The following TXNRD1 variants were observed in gnomAD, a reference collection of about 807,000 sequenced individuals.
TXNRD1 encodes thioredoxin reductase 1.
Under a neutral mutation model 80.3 loss-of-function variants are expected in TXNRD1, and 57 were observed. The observed-to-expected ratio is 0.71, with a 90% CI of 0.57 to 0.89. The LOEUF (loss-of-function observed/expected upper bound fraction) is 0.89. Ranked by LOEUF, TXNRD1 falls within the 40% of genes least tolerant of loss-of-function variation. The probability of loss-of-function intolerance (pLI) is 0.00; values close to 1 mark genes in which losing one functional copy is unlikely to be tolerated. For synonymous variants in TXNRD1, 291 were observed against 285.2 expected (o/e 1.02, Z -0.20); for missense variants, 730 against 803.0 (o/e 0.91, Z 1.10).
intron 3 of TXNRD1, among the ~76,000 whole-genome samples, chr12:104,277,647 G>A (rs2033783405): frequency 6.6e-6 from 1 of 152,040 alleles, no homozygotes; most frequent in Admixed American, 6.6e-5. Flanking sequence ...AGTTTTCAGG[G>A]TGGATGATTC....
At chr12:104,253,637 A>G (rs2033178227) in intron 2 of TXNRD1, among the ~76,000 whole-genome samples, 1 of 151,756 alleles carries the variant, frequency 6.6e-6, no homozygotes, top group African/African-American at 2.4e-5. Context: ...ACCGCCTGCC[A>G]CTTCCTTTTT....
At position 104,315,811 on chromosome 12, in the gene TXNRD1, A is replaced by C; in HGVS notation, c.645A>C (p.Ile215=). ...GAACATGTGTGAATGTGGGTTGCAT[A>C]CCTAAAAAACTGATGCATCAAGCAG... is the stretch of plus-strand genomic sequence containing the variant. ...LGGTCVNVGC[I]PKKLMHQAAL... Residue 215 remains isoleucine (I), a synonymous_variant, in exon 7 of 17, where the codon ATA becomes ATC. Transcript: ENST00000525566. 1 of 1,612,308 alleles carries C rather than the reference A, an allele frequency of 6.2e-7. No individual in the cohort carries two copies. Among genetic ancestry groups the C allele is most frequent in the Non-Finnish European group, 8.5e-7 (1 of 1,178,792 alleles).
At position 104,305,188 on chromosome 12, in the gene TXNRD1, C is replaced by G. The variant is rs74467164; in HGVS notation, c.415-6102C>G. The G allele has an allele frequency of 8.5e-3, 2,759 of 326,282 alleles. 18 individuals are homozygous for G. The highest frequency in any genetic ancestry group is 0.012 in the Non-Finnish European group (2,155 of 175,148). 20.2% of individuals were successfully genotyped at this position (326,282 alleles called of 1,614,324 possible). On this transcript the variant is annotated intron_variant, in intron 4 of 16. Transcript: ENST00000525566. ...TGCCCTTTAAGACTATTAATAAAAA[C>G]AAGTTTTGGATACCAAATTAAGGGA... is the stretch of plus-strand genomic sequence containing the variant.
intron 4 of TXNRD1, chr12:104,310,232 G>A (rs1316683470): frequency 4.0e-6 from 4 of 1,012,088 alleles, no homozygotes; most frequent in East Asian, 2.7e-5. Flanking sequence ...TCACTGCAAC[G>A]TCTGCCTCCC....
Position 104,265,262 on chromosome 12 carries a change from A to AAC in TXNRD1, c.304+7184_304+7185insCA. ...TGAGACTCCGTCTTAAAAAAAAAAA[A>AAC]AAAAAAACTTCCTTTTGCGGGTGGC... On this transcript the variant is annotated intron_variant, in intron 3 of 16. Transcript: ENST00000525566. 3.3e-6 allele frequency: 5 copies of AAC among 1,493,100 alleles called. 1 individual carries two copies. Among genetic ancestry groups the AAC allele is most frequent in the Non-Finnish European group, 4.5e-6 (5 of 1,111,208 alleles). The allele number at this position is 1,493,100 out of a possible 1,614,324, so 92.5% of individuals were successfully genotyped here.
intron 4 of TXNRD1, among the ~76,000 whole-genome samples, chr12:104,290,645 G>A (rs2034149348): frequency 6.9e-6 from 1 of 144,430 alleles, no homozygotes; most frequent in Non-Finnish European, 1.5e-5. Flanking sequence ...GTTGCAATGA[G>A]CTGAGATTGC....
intron 1 of TXNRD1, chr12:104,224,906 A>C (rs990460421): frequency 8.8e-6 from 4 of 456,486 alleles, no homozygotes; most frequent in African/African-American, 2.0e-5. Context: ...AGGCAGGTAA[A>C]ATTGCCATTG....
rs1049256551 is a variant in TXNRD1 at position 104,215,901 on chromosome 12, C to G, written c.91+8C>G. The stretch of plus-strand genomic sequence containing the variant: ...ATGGCCGCCGTAGGTCAGGTACGAC[C>G]GAGGGCGAAGGCCTGGTCCCCAGGT... On this transcript the variant is annotated splice_region_variant and intron_variant, in intron 1 of 16. Transcript: ENST00000525566. The G allele has an allele frequency of 6.4e-7, 1 of 1,550,410 alleles. No homozygotes were observed. Among genetic ancestry groups the G allele is most frequent in the African/African-American group, 1.4e-5 (1 of 72,882 alleles).
chr12:104,228,460 C>T (rs540423506), intron 1 of TXNRD1, among the ~76,000 whole-genome samples: 122 of 151,850 alleles, frequency 8.0e-4, no homozygotes, highest in Middle Eastern at 3.4e-3. Context: ...GGAGAAACCC[C>T]GTCTCTACTA....
At chr12:104,267,353 C>A (rs2033526792) in intron 3 of TXNRD1, among the ~76,000 whole-genome samples, 1 of 147,820 alleles carries the variant, frequency 6.8e-6, no homozygotes, top group African/African-American at 2.5e-5. Context: ...TCTTGGCTCA[C>A]TGCAGCCTTG....
chr12:104,251,750 C>G, intron 2 of TXNRD1, 72 bp downstream of exon 2: 2 of 1,546,314 alleles, frequency 1.3e-6, no homozygotes, highest in South Asian at 1.1e-5. Flanking sequence ...CAAATGTAAA[C>G]AACTGGATTT....
At chr12:104,248,385 A>G (rs1422492259) in intron 1 of TXNRD1, among the ~76,000 whole-genome samples, 1 of 152,132 alleles carries the variant, frequency 6.6e-6, no homozygotes, top group Non-Finnish European at 1.5e-5. Context: ...CCTGGGTTCA[A>G]GCAGTTCTCC....
intron 4 of TXNRD1, chr12:104,304,498 C>A: frequency 6.2e-7 from 1 of 1,613,908 alleles, no homozygotes. Context: ...GACTTGAACA[C>A]CAGAAAAAAG....
At chr12:104,343,083 G>A (rs1036956665) in intron 16 of TXNRD1, among the ~76,000 whole-genome samples, 1 of 152,220 alleles carries the variant, frequency 6.6e-6, no homozygotes, top group African/African-American at 2.4e-5. Flanking sequence ...CAGCGAGGAC[G>A]AAACCACTGA....
rs574897781 is a variant in TXNRD1, at chr12:104,308,081, C to T, written c.415-3209C>T. 5.9e-4 allele frequency among the ~76,000 whole-genome samples: 90 copies of T among 151,864 alleles called. No individual in the cohort carries two copies. In the South Asian group the frequency reaches 6.7e-3, roughly 11 times the overall value. ...CATGATCTTGGCTCACTGTGAGCTC[C>T]GCCTCCCGGGTTCACGCCATTCTCC... On this transcript the variant is annotated intron_variant, in intron 4 of 16. Transcript: ENST00000525566.
At chr12:104,252,099 G>A (rs116050369) in intron 2 of TXNRD1, among the ~76,000 whole-genome samples, 2,903 of 151,474 alleles carry the variant, frequency 0.019, 75 homozygotes, top group South Asian at 0.075. Flanking sequence ...GTATATGTAG[G>A]TGTAACTTGC....
chr12:104,271,542 A>G (rs1472912974), intron 3 of TXNRD1, among the ~76,000 whole-genome samples: 3 of 152,178 alleles, frequency 2.0e-5, no homozygotes, highest in Admixed American at 2.0e-4. Flanking sequence ...TTTTGTGGGC[A>G]GGGGATGGAT....
rs73396495 is a variant in TXNRD1, at chr12:104,322,730, T to A, written c.1215+1414T>A. On this transcript the variant is annotated intron_variant, in intron 10 of 16. Transcript: ENST00000525566. ...ATATATGCTATATTTGCATTAGAGC[T>A]ATGATTCATAAACAACAGTTGTATG... Among the ~76,000 whole-genome samples the A allele has an allele frequency of 6.6e-3, 1,000 of 152,290 alleles. 15 individuals are homozygous for A. The highest frequency in any genetic ancestry group is 0.023 in the African/African-American group (961 of 41,560).
intron 1 of TXNRD1, among the ~76,000 whole-genome samples, chr12:104,216,228 C>T (rs1009555465): frequency 6.6e-6 from 1 of 152,248 alleles, no homozygotes; most frequent in African/African-American, 2.4e-5. Context: ...GCTCAGGGCC[C>T]GTTAGGGCGT....
Sources: gnomAD v4.1 joint callset for allele counts (sites outside exome capture counted in the v4.1 genomes callset) on GRCh38, gnomAD v4.1.1 for gene constraint, MANE v1.5 for transcripts, NCBI Gene and HGNC (gene_info 2026-07-23, HGNC 2026-07-21) for gene names.